Variants in KIAA1671 observed in about 807,000 individuals in gnomAD.
KIAA1671 encodes the protein KIAA1671.
KIAA1671 carries 52 observed loss-of-function variants against 131.2 expected under a neutral mutation model. The ratio of observed to expected loss-of-function variants is 0.40; its 90% confidence interval spans 0.32 to 0.50. The LOEUF (loss-of-function observed/expected upper bound fraction) is 0.50. KIAA1671 is among the 20% of genes least tolerant of loss of function. The pLI is 0.73. For synonymous variants in KIAA1671, 1,003 were observed against 961.6 expected, an observed-to-expected ratio of 1.04 and a Z score of -0.80; for missense variants, 2,360 against 2,364.2, an observed-to-expected ratio of 1.00 and a Z score of 0.04.
intron 1 of KIAA1671, among the ~76,000 whole-genome samples, chr22:25,021,359 A>G (rs1273881072): frequency 1.3e-5 from 2 of 151,860 alleles, no homozygotes; most frequent in Non-Finnish European, 2.9e-5. Flanking sequence ...GCGCCTGGCC[A>G]GAGGCTGATT....
At chr22:25,138,964 G>A (rs1045978674) in intron 6 of KIAA1671, among the ~76,000 whole-genome samples, 3 of 152,120 alleles carry the variant, frequency 2.0e-5, no homozygotes, top group South Asian at 2.1e-4. Flanking sequence ...CCCCTTCCTG[G>A]TCTTCCCTCT....
At chr22:25,171,005 C>A in intron 7 of KIAA1671, 67 bp downstream of exon 7, 1 of 1,239,792 alleles carries the variant, frequency 8.1e-7, no homozygotes. Context: ...TGCAGCCCAC[C>A]CACCTCCTGA....
intron 6 of KIAA1671, among the ~76,000 whole-genome samples, chr22:25,165,509 T>C (rs1933615269): frequency 6.6e-6 from 1 of 152,234 alleles, no homozygotes. Context: ...TAGAAATGTA[T>C]TCTCCATGCT....
intron 6 of KIAA1671, among the ~76,000 whole-genome samples, chr22:25,163,255 G>A (rs1261068990): frequency 6.6e-6 from 1 of 151,136 alleles, no homozygotes; most frequent in African/African-American, 2.4e-5. Context: ...TTAAGCCTGA[G>A]GAGTCGAGGC....
intron 6 of KIAA1671, among the ~76,000 whole-genome samples, chr22:25,075,643 T>TA (rs1405563251): frequency 6.7e-6 from 1 of 148,630 alleles, no homozygotes; most frequent in Non-Finnish European, 1.5e-5. Context: ...AGGCACGTGC[T>TA]ACCACACCCA....
intron 1 of KIAA1671, among the ~76,000 whole-genome samples, chr22:25,004,561 C>T (rs1268197801): frequency 6.6e-6 from 1 of 152,164 alleles, no homozygotes; most frequent in Admixed American, 6.5e-5. Context: ...TCCATCTGCC[C>T]ATTTCCCTGC....
intron 1 of KIAA1671, among the ~76,000 whole-genome samples, chr22:24,980,079 C>T (rs1475999274): frequency 6.6e-6 from 1 of 151,848 alleles, no homozygotes; most frequent in African/African-American, 2.4e-5. Flanking sequence ...ATTCTCCTGC[C>T]TCAGCCTCCT....
intron 1 of KIAA1671, among the ~76,000 whole-genome samples, chr22:25,024,846 C>A: frequency 6.6e-6 from 1 of 151,930 alleles, no homozygotes. Flanking sequence ...AGGATGATGT[C>A]GTATTAAATG....
At chr22:25,188,318 A>AAACAAACG (rs1934545746) in intron 11 of KIAA1671, among the ~76,000 whole-genome samples, 1 of 151,894 alleles carries the variant, frequency 6.6e-6, no homozygotes, top group South Asian at 2.1e-4. Flanking sequence ...ACAAACAAAC[A>AAACAAACG]GTTTAAACAA....
chr22:25,153,731 T>C lies in KIAA1671; in HGVS notation c.4531-17089T>C, dbSNP rs569066679. ...GCCTAGAGTCCTGGGCACTCGGATGTTGCCCTACATTGAGAAATGGGCCCT... is the reference window on the plus strand; with the variant it reads ...GCCTAGAGTCCTGGGCACTCGGATGCTGCCCTACATTGAGAAATGGGCCCT... On this transcript the variant is annotated intron_variant, in intron 6 of 12. Coordinates refer to ENST00000358431, the MANE Select transcript of KIAA1671 (RefSeq NM_001145206.2). Among the ~76,000 whole-genome samples the C allele has an allele frequency of 2.6e-4, 39 of 152,314 alleles. 2 individuals carry two copies. The South Asian group carries it at 7.9e-3, about 31-fold the overall frequency.
At chr22:25,061,469 C>T (rs2145835823) in intron 6 of KIAA1671, 1 of 152,372 alleles carries the variant, frequency 6.6e-6, no homozygotes, top group Admixed American at 6.5e-5. Flanking sequence ...TCCTGCCTCA[C>T]TCATGTCCCT....
In KIAA1671 at chr22:25,032,691, G is replaced by GAA; in HGVS notation, c.1627_1628dup (p.Gln544SerfsTer123). 6.5e-7 allele frequency: 1 copy of GAA among 1,543,648 alleles called. No homozygotes were observed. The highest frequency in any genetic ancestry group is 8.8e-7 in the Non-Finnish European group (1 of 1,140,402). On this transcript the variant is annotated frameshift_variant, in exon 4 of 13. Coordinates refer to ENST00000358431, the MANE Select transcript of KIAA1671 (RefSeq NM_001145206.2). LOFTEE classifies it high-confidence loss of function. Reference sequence around the variant, plus strand: ...CGGCGAGTTTCCTAAGGAACCGAGAGAAAAGGTAAGGAGTGGCTGTGTAGC... The same window carrying GAA: ...CGGCGAGTTTCCTAAGGAACCGAGAGAAAAAAGGTAAGGAGTGGCTGTGTAGC...
At chr22:25,054,391 T>G (rs1927728017) in intron 6 of KIAA1671, 1 of 149,968 alleles carries the variant, frequency 6.7e-6, no homozygotes, top group Admixed American at 6.6e-5. Flanking sequence ...GGCTGGCTTC[T>G]AATGAGGCTC....
In KIAA1671 at chr22:25,028,809, C is replaced by T. The variant is rs2145787797; in HGVS notation, c.810C>T (p.Thr270=). ...AAATVGKVPP[T]PPEKTWVRKP... ...CCACAGTGGGCAAAGTGCCACCCAC[C>T]CCTCCCGAGAAGACGTGGGTGAGGA... The change falls in exon 3 of 13, where the codon ACC becomes ACT. Residue 270 remains threonine (T), a synonymous_variant. Coordinates refer to ENST00000358431, the MANE Select transcript of KIAA1671 (RefSeq NM_001145206.2). 1 of 1,551,106 alleles carries T rather than the reference C, an allele frequency of 6.4e-7. No individual in the cohort carries two copies. Among genetic ancestry groups the T allele is most frequent in the African/African-American group, 1.4e-5 (1 of 73,196 alleles).
chr22:25,033,574 G>A (rs1330914879), intron 4 of KIAA1671, among the ~76,000 whole-genome samples: 1 of 58,420 alleles, frequency 1.7e-5, no homozygotes, highest in Non-Finnish European at 2.9e-5. Flanking sequence ...GTTTGTTTTC[G>A]TTTTTTTTTT....
chr22:25,127,536 C>G (rs146784190), intron 6 of KIAA1671, among the ~76,000 whole-genome samples: 1 of 152,150 alleles, frequency 6.6e-6, no homozygotes, highest in African/African-American at 2.4e-5. Flanking sequence ...GGCTTCCCTG[C>G]CCCCCTTGCA....
At chr22:24,998,854 T>A (rs976768411) in intron 1 of KIAA1671, among the ~76,000 whole-genome samples, 9 of 151,894 alleles carry the variant, frequency 5.9e-5, no homozygotes, top group East Asian at 3.8e-4. Flanking sequence ...TTTTTTTTTT[T>A]ATTGTTGTAT....
At chr22:25,179,466 AGTT>A in intron 9 of KIAA1671, 1 of 1,613,360 alleles carries the variant, frequency 6.2e-7, no homozygotes, top group Non-Finnish European at 8.5e-7. Context: ...TGGCGGCTGA[AGTT>A]GTTATTCTCC....
chr22:25,088,107 C>T (rs1166199874), intron 6 of KIAA1671, among the ~76,000 whole-genome samples: 1 of 148,334 alleles, frequency 6.7e-6, no homozygotes, highest in Non-Finnish European at 1.5e-5. Flanking sequence ...TTCTTTCTTT[C>T]TTTCTTTTTT....
Sources: gnomAD v4.1 joint callset for allele counts (sites outside exome capture counted in the v4.1 genomes callset) on GRCh38, gnomAD v4.1.1 for gene constraint, MANE v1.5 for transcripts, NCBI Gene and HGNC (gene_info 2026-07-23, HGNC 2026-07-21) for gene names.